Variants in RAD51B observed in about 807,000 individuals in gnomAD.
The protein encoded by RAD51B is DNA repair protein RAD51 homolog 2.
A neutral mutation model predicts 42.2 loss-of-function variants in RAD51B; 38 were observed. The observed-to-expected ratio is 0.90, with a 90% CI of 0.70 to 1.18. RAD51B has a LOEUF of 1.18. Ranked by LOEUF, RAD51B falls within the 50% of genes most tolerant of loss-of-function variation. RAD51B has a pLI of 0.00. For synonymous variants in RAD51B, 154 were observed against 145.2 expected, an observed-to-expected ratio of 1.06 and a Z score of -0.43; for missense variants, 373 against 400.7, an observed-to-expected ratio of 0.93 and a Z score of 0.59.
intron 8 of RAD51B, among the ~76,000 whole-genome samples, chr14:68,331,891 TG>T (rs1289767198): frequency 6.6e-6 from 1 of 152,038 alleles, no homozygotes. Flanking sequence ...TTGAAAGTAT[TG>T]GGGGGGTTTG....
chr14:68,204,718 G>A (rs529140084), intron 7 of RAD51B, among the ~76,000 whole-genome samples: 125 of 152,194 alleles, frequency 8.2e-4, no homozygotes, highest in African/African-American at 2.6e-3. Context: ...AAAAATAGCC[G>A]TTTACCCTAG....
At chr14:68,361,702 G>T (rs1467664811) in intron 8 of RAD51B, among the ~76,000 whole-genome samples, 1 of 152,088 alleles carries the variant, frequency 6.6e-6, no homozygotes, top group Non-Finnish European at 1.5e-5. Context: ...TTGAGACAGG[G>T]TCTCACTCTG....
At chr14:67,822,536 G>T (rs921566979) in intron 1 of RAD51B, among the ~76,000 whole-genome samples, 3 of 151,890 alleles carry the variant, frequency 2.0e-5, no homozygotes, top group Non-Finnish European at 4.4e-5. Flanking sequence ...AATTGGGCAG[G>T]CATGGTGTCG....
chr14:68,625,918 C>G (rs867645190), intron 10 of RAD51B, among the ~76,000 whole-genome samples: 19 of 152,296 alleles, frequency 1.2e-4, no homozygotes, highest in Non-Finnish European at 1.8e-4. Flanking sequence ...CCCTGAGTGG[C>G]CACAGTGTGG....
intron 8 of RAD51B, among the ~76,000 whole-genome samples, chr14:68,329,703 C>T (rs185780676): frequency 2.0e-5 from 3 of 151,924 alleles, no homozygotes; most frequent in East Asian, 3.9e-4. Flanking sequence ...TTTTTTGGGC[C>T]GGGCCCGGTG....
intron 11 of RAD51B, among the ~76,000 whole-genome samples, chr14:68,666,643 C>T (rs1893038030): frequency 6.6e-6 from 1 of 152,190 alleles, no homozygotes; most frequent in Non-Finnish European, 1.5e-5. Flanking sequence ...GTTTTTGTTA[C>T]ACCCCTCTTG....
Position 68,648,092 on chromosome 14 carries a change from T to TATATATATATACACACAC in RAD51B, c.1037-2689_1037-2688insATATATATATACACACAC, listed in dbSNP as rs1566963535. Among the ~76,000 whole-genome samples, 29 of 24,946 alleles carry TATATATATATACACACAC rather than the reference T, an allele frequency of 1.2e-3. 1 individual carries two copies. The highest frequency in any genetic ancestry group is 6.1e-3 in the East Asian group (2 of 328). The allele number at this position is 24,946 out of a possible 152,430, so 16.4% of individuals were successfully genotyped here. A position where few individuals can be genotyped will look rare whatever the true frequency, so the allele number is the denominator to read the frequency against. On this transcript the variant is annotated intron_variant, in intron 10 of 11. Transcript: ENST00000488612. ...ATATATACACGTATATATACGTGTGTGTATATATATATACACACACGTATA... is the reference window on the plus strand; with the variant it reads ...ATATATACACGTATATATACGTGTGTATATATATATACACACACGTATATATATATACACACACGTATA...
chr14:67,934,167 A>T (rs1408378083), intron 7 of RAD51B, among the ~76,000 whole-genome samples: 1 of 152,218 alleles, frequency 6.6e-6, no homozygotes, highest in African/African-American at 2.4e-5. Context: ...AGGGAACTGT[A>T]ACCACTAGGT....
intron 8 of RAD51B, among the ~76,000 whole-genome samples, chr14:68,350,347 T>C (rs549535440): frequency 6.6e-6 from 1 of 152,354 alleles, no homozygotes; most frequent in Admixed American, 6.5e-5. Flanking sequence ...TCTATCACCA[T>C]GGTTGTCAGG....
intron 8 of RAD51B, among the ~76,000 whole-genome samples, chr14:68,388,053 A>G (rs954860083): frequency 1.9e-5 from 2 of 104,722 alleles, no homozygotes; most frequent in African/African-American, 7.0e-5. Context: ...TGTGACTTGC[A>G]TTGTGTGTGT....
intron 7 of RAD51B, among the ~76,000 whole-genome samples, chr14:68,004,862 A>G (rs920293995): frequency 2.0e-5 from 3 of 152,012 alleles, no homozygotes; most frequent in African/African-American, 7.2e-5. Context: ...ATTATACAGA[A>G]TGCTTTTTTT....
At chr14:67,892,338 A>G (rs2043244263) in intron 7 of RAD51B, among the ~76,000 whole-genome samples, 1 of 152,152 alleles carries the variant, frequency 6.6e-6, no homozygotes, top group African/African-American at 2.4e-5. Flanking sequence ...CTTTGTTTTT[A>G]TTGTTTCTAG....
chr14:68,445,963 A>G (rs2085410416), intron 9 of RAD51B, among the ~76,000 whole-genome samples: 1 of 152,202 alleles, frequency 6.6e-6, no homozygotes, highest in African/African-American at 2.4e-5. Context: ...AATAGACTCT[A>G]GAGGGGCTCA....
chr14:68,413,237 T>C (rs944203545), intron 9 of RAD51B, among the ~76,000 whole-genome samples: 3 of 152,254 alleles, frequency 2.0e-5, no homozygotes, highest in Non-Finnish European at 4.4e-5. Flanking sequence ...TGCTATTTTT[T>C]ATGTCTCTTT....
At chr14:68,131,953 T>C (rs2077901276) in intron 7 of RAD51B, among the ~76,000 whole-genome samples, 1 of 152,196 alleles carries the variant, frequency 6.6e-6, no homozygotes, top group Non-Finnish European at 1.5e-5. Flanking sequence ...AACTAACCAG[T>C]TAATAGCATT....
intron 7 of RAD51B, among the ~76,000 whole-genome samples, chr14:68,047,941 A>G (rs2140411906): frequency 6.6e-6 from 1 of 152,322 alleles, no homozygotes. Flanking sequence ...CCGAAATGTT[A>G]TCTAGTGTTT....
chr14:68,400,825 T>C (rs2084082046), intron 8 of RAD51B, among the ~76,000 whole-genome samples: 1 of 152,252 alleles, frequency 6.6e-6, no homozygotes. Context: ...TTTTCTGTAA[T>C]GAGTGAATTT....
At chr14:67,900,916 G>A (rs2043590400) in intron 7 of RAD51B, among the ~76,000 whole-genome samples, 1 of 152,120 alleles carries the variant, frequency 6.6e-6, no homozygotes, top group Non-Finnish European at 1.5e-5. Context: ...TGCTAACCTT[G>A]TGTTGGAGTC....
At chr14:68,076,192 C>T (rs1009195022) in intron 7 of RAD51B, among the ~76,000 whole-genome samples, 1 of 152,194 alleles carries the variant, frequency 6.6e-6, no homozygotes, top group Non-Finnish European at 1.5e-5. Flanking sequence ...AGTTTCCTAA[C>T]TGGGATGATT....
Sources: gnomAD v4.1 joint callset for allele counts (sites outside exome capture counted in the v4.1 genomes callset) on GRCh38, gnomAD v4.1.1 for gene constraint, MANE v1.5 for transcripts, NCBI Gene and HGNC (gene_info 2026-07-23, HGNC 2026-07-21) for gene names.